The following MCOLN2 variants were observed in gnomAD, a reference collection of about 807,000 sequenced individuals.
MCOLN2 encodes the protein mucolipin TRP cation channel 2.
MCOLN2 carries 57 observed loss-of-function variants against 67.5 expected under a neutral mutation model. That is an observed-to-expected ratio of 0.84 (90% CI 0.68 to 1.05). MCOLN2 has a LOEUF of 1.05. Ranked by LOEUF, MCOLN2 falls within the 50% of genes least tolerant of loss-of-function variation. The pLI is 0.00. For missense variants in MCOLN2, 620 were observed against 678.8 expected (o/e 0.91, Z 0.96); for synonymous variants, 246 against 233.3 (o/e 1.05, Z -0.50).
At chr1:84,978,029 A>G (rs1650077744) in intron 1 of MCOLN2, among the ~76,000 whole-genome samples, 1 of 152,234 alleles carries the variant, frequency 6.6e-6, no homozygotes, top group African/African-American at 2.4e-5. Context: ...AATTGAAATA[A>G]TATCAAGTAT....
intron 1 of MCOLN2, among the ~76,000 whole-genome samples, chr1:84,996,046 C>CTCTT (rs1208818579): frequency 6.6e-6 from 1 of 152,096 alleles, no homozygotes; most frequent in Non-Finnish European, 1.5e-5. Context: ...AGTTTGACTC[C>CTCTT]TCTTAAGGTA....
chr1:84,984,831 TA>T (rs1011257569), intron 1 of MCOLN2, among the ~76,000 whole-genome samples: 2 of 152,060 alleles, frequency 1.3e-5, no homozygotes, highest in African/African-American at 4.8e-5. Context: ...CCGTCTGTAC[TA>T]AAAATACAAA....
At chr1:84,945,897 T>G (rs1484662379) in intron 7 of MCOLN2, among the ~76,000 whole-genome samples, 1 of 152,054 alleles carries the variant, frequency 6.6e-6, no homozygotes, top group African/African-American at 2.4e-5. Flanking sequence ...CAGGTGCATG[T>G]GCCACCATGC....
intron 1 of MCOLN2, among the ~76,000 whole-genome samples, chr1:84,968,523 G>C (rs796314717): frequency 6.6e-6 from 1 of 152,208 alleles, no homozygotes; most frequent in African/African-American, 2.4e-5. Flanking sequence ...ACAGGACTAA[G>C]CATATTGGAA....
chr1:84,951,477 C>G (rs1327405429), intron 6 of MCOLN2, among the ~76,000 whole-genome samples: 3 of 152,150 alleles, frequency 2.0e-5, no homozygotes, highest in Non-Finnish European at 4.4e-5. Flanking sequence ...ATACATGCCC[C>G]CTCCCAAAAT....
At position 84,939,923 on chromosome 1, in the gene MCOLN2, G is replaced by A. The variant is rs112247790; in HGVS notation, c.961-221C>T. ...GTTACCTCAAATATGAAATACGTAC[G>A]CGGTAACTCCAGCAGGTTCTTGTCA... On this transcript the variant is annotated intron_variant, in intron 8 of 13. Coordinates refer to ENST00000370608, the MANE Select transcript of MCOLN2 (RefSeq NM_153259.4). Among the ~76,000 whole-genome samples the A allele has an allele frequency of 7.9e-5, 12 of 152,156 alleles. No individual in the cohort carries two copies. The East Asian group carries it at 9.7e-4, about 12-fold the overall frequency.
intron 13 of MCOLN2, 29 bp downstream of exon 13, chr1:84,929,529 G>A (rs776934779): frequency 6.3e-7 from 1 of 1,586,920 alleles, no homozygotes; most frequent in South Asian, 1.1e-5. Flanking sequence ...GCCCATCTCA[G>A]GAGCATGGAG....
intron 1 of MCOLN2, among the ~76,000 whole-genome samples, chr1:84,971,557 G>A (rs1649685828): frequency 6.9e-6 from 1 of 144,060 alleles, no homozygotes. Context: ...ATATCTTATT[G>A]CTATAACAAA....
chr1:84,972,538 A>G (rs907942551), intron 1 of MCOLN2, among the ~76,000 whole-genome samples: 7 of 152,228 alleles, frequency 4.6e-5, no homozygotes, highest in Admixed American at 4.6e-4. Flanking sequence ...AAGAAGGCTG[A>G]GACTGGTACT....
intron 4 of MCOLN2, among the ~76,000 whole-genome samples, chr1:84,953,529 G>A (rs543102438): frequency 3.5e-5 from 5 of 142,738 alleles, no homozygotes; most frequent in African/African-American, 1.1e-4. Context: ...CAGCCTGGGC[G>A]ACAAGAACGA....
Position 84,975,637 on chromosome 1 carries a change from C to T in MCOLN2, c.78-9929G>A, listed in dbSNP as rs528232815. Among the ~76,000 whole-genome samples the T allele has an allele frequency of 5.3e-5, 8 of 152,140 alleles. No individual in the cohort carries two copies. The South Asian group carries it at 1.5e-3, about 28-fold the overall frequency. ...ATGCCCAGACACAGATGAACATCTA[C>T]AAGTATCAAGATAATCCAGGAAAAC... On this transcript the variant is annotated intron_variant, in intron 1 of 13. Coordinates refer to ENST00000370608, the MANE Select transcript of MCOLN2 (RefSeq NM_153259.4).
chr1:84,987,800 G>A (rs1355911003), intron 1 of MCOLN2, among the ~76,000 whole-genome samples: 1 of 151,614 alleles, frequency 6.6e-6, no homozygotes, highest in African/African-American at 2.4e-5. Context: ...ATTATTCTAA[G>A]TGAAGTAACT....
At chr1:84,957,614 C>T (rs750450856) in intron 3 of MCOLN2, among the ~76,000 whole-genome samples, 7 of 152,108 alleles carry the variant, frequency 4.6e-5, no homozygotes, top group Non-Finnish European at 1.0e-4. Context: ...ATCAAGCTCC[C>T]CTCACATTAA....
intron 1 of MCOLN2, among the ~76,000 whole-genome samples, chr1:84,976,284 G>C (rs1649990949): frequency 8.2e-6 from 1 of 122,446 alleles, no homozygotes; most frequent in African/African-American, 3.0e-5. Flanking sequence ...GATCCTAAAA[G>C]CAGCAAGATA....
intron 1 of MCOLN2, among the ~76,000 whole-genome samples, chr1:84,995,343 A>T (rs1386391097): frequency 6.6e-6 from 1 of 152,232 alleles, no homozygotes; most frequent in Non-Finnish European, 1.5e-5. Context: ...ATAAAATTGA[A>T]TTAAATGCAG....
At chr1:84,986,952 C>G (rs1183371288) in intron 1 of MCOLN2, among the ~76,000 whole-genome samples, 1 of 152,048 alleles carries the variant, frequency 6.6e-6, no homozygotes, top group Non-Finnish European at 1.5e-5. Context: ...CATACAACCA[C>G]TGAAAACAAT....
intron 11 of MCOLN2, among the ~76,000 whole-genome samples, chr1:84,934,286 G>C (rs1013312257): frequency 2.6e-5 from 4 of 152,164 alleles, no homozygotes; most frequent in Admixed American, 6.5e-5. Context: ...TGGGTGCACA[G>C]TAGATATTTA....
intron 4 of MCOLN2, among the ~76,000 whole-genome samples, chr1:84,953,668 TAGAA>T (rs914582327): frequency 9.9e-5 from 15 of 151,558 alleles, no homozygotes; most frequent in African/African-American, 3.6e-4. Context: ...AGTAAAAAAA[TAGAA>T]AGAAAAAGAA....
At chr1:84,933,206 C>T (rs2102803207) in intron 11 of MCOLN2, among the ~76,000 whole-genome samples, 1 of 152,312 alleles carries the variant, frequency 6.6e-6, no homozygotes, top group East Asian at 1.9e-4. Context: ...CCTTTCTCTG[C>T]ACTCCGTATC....
Sources: allele counts gnomAD v4.1 joint callset (sites outside exome capture counted in the v4.1 genomes callset), GRCh38; gene constraint gnomAD v4.1.1; transcripts MANE v1.5; gene names NCBI Gene and HGNC (gene_info 2026-07-23, HGNC 2026-07-21).